Variants in C1QTNF2 observed in about 807,000 individuals in gnomAD.
C1QTNF2 encodes the protein C1q and TNF related 2.
A neutral mutation model predicts 17.4 loss-of-function variants in C1QTNF2; 15 were observed. The ratio of observed to expected loss-of-function variants is 0.86; its 90% CI spans 0.58 to 1.33. C1QTNF2 has a LOEUF of 1.33. Ranked by LOEUF, C1QTNF2 falls within the 40% of genes most tolerant of loss-of-function variation. The pLI, the probability that C1QTNF2 is intolerant of heterozygous loss-of-function variation, is 0.00. For synonymous variants in C1QTNF2, 154 were observed against 163.3 expected, an observed-to-expected ratio of 0.94 and a Z score of 0.44; for missense variants, 381 against 392.3, an observed-to-expected ratio of 0.97 and a Z score of 0.24.
At chr5:160,365,563 C>G (rs1344150761) in intron 1 of C1QTNF2, among the ~76,000 whole-genome samples, 1 of 151,958 alleles carries the variant, frequency 6.6e-6, no homozygotes, top group Non-Finnish European at 1.5e-5. Context: ...GTGAGACCTC[C>G]CCCCACCTCA....
At chr5:160,361,455 T>C (rs1305835370) in intron 1 of C1QTNF2, among the ~76,000 whole-genome samples, 1 of 152,184 alleles carries the variant, frequency 6.6e-6, no homozygotes, top group Non-Finnish European at 1.5e-5. Context: ...GATTGGAAGA[T>C]GTAAATTATG....
intron 1 of C1QTNF2, among the ~76,000 whole-genome samples, chr5:160,359,688 G>A (rs529802514): frequency 7.2e-5 from 11 of 152,332 alleles, no homozygotes; most frequent in Non-Finnish European, 1.6e-4. Context: ...ATTAGACAAG[G>A]TGATGAGAGG....
chr5:160,356,811 T>C (rs1764059476), intron 1 of C1QTNF2, among the ~76,000 whole-genome samples: 1 of 152,202 alleles, frequency 6.6e-6, no homozygotes, highest in African/African-American at 2.4e-5. Context: ...CCCCTGGCTC[T>C]TGGAGCCTGT....
intron 1 of C1QTNF2, among the ~76,000 whole-genome samples, chr5:160,368,614 A>G (rs1764290575): frequency 6.6e-6 from 1 of 152,152 alleles, no homozygotes; most frequent in African/African-American, 2.4e-5. Context: ...AGTTCATCTC[A>G]CAGAGGTAAA....
chr5:160,364,132 A>C (rs1105787), intron 1 of C1QTNF2, among the ~76,000 whole-genome samples: 71,917 of 152,106 alleles, frequency 0.47, 17,091 homozygotes, highest in Middle Eastern at 0.56. Flanking sequence ...AAAATTATTA[A>C]TGAGACATTT....
chr5:160,358,523 G>A (rs1029905419), intron 1 of C1QTNF2, among the ~76,000 whole-genome samples: 1 of 148,982 alleles, frequency 6.7e-6, no homozygotes. Context: ...GCTGGAGTGC[G>A]TGGTGCAAGA....
intron 1 of C1QTNF2, among the ~76,000 whole-genome samples, chr5:160,360,725 T>C (rs539575499): frequency 6.6e-6 from 1 of 152,036 alleles, no homozygotes; most frequent in Non-Finnish European, 1.5e-5. Context: ...GCCTTCCTAC[T>C]AAAGGGATAA....
intron 2 of C1QTNF2, among the ~76,000 whole-genome samples, chr5:160,353,091 G>A (rs1365768678): frequency 2.0e-5 from 3 of 152,078 alleles, no homozygotes; most frequent in Admixed American, 6.5e-5. Flanking sequence ...GTTCTTGCGA[G>A]GATGACATTT....
chr5:160,349,725 C>A lies in C1QTNF2; in HGVS notation c.301G>T (p.Ala101Ser). ...GKPGPKGKAG[A>S]IGRAGPRGPK... ...CCACGGGGGCCAGCCCGCCCAATGG[C>A]CCCGGCTTTGCCCTTTGGTCCTGGC... Residue 101 changes from alanine (A) to serine (S), a missense_variant, in exon 3 of 3, where the codon GCC (alanine) becomes TCC (serine). By Grantham distance (99) the Ala-to-Ser change is moderately conservative (BLOSUM62 1). Coordinates refer to ENST00000652664, the MANE Select transcript of C1QTNF2 (RefSeq NM_031908.6). This position sits in a 1 kb window ranked among gnomAD's most constrained non-coding sequence, Gnocchi z 4.3. 6.4e-7 allele frequency: 1 copy of A among 1,561,552 alleles called. No individual in the cohort carries two copies. The highest frequency in any genetic ancestry group is 1.7e-4 in the Middle Eastern group (1 of 5,778).
intron 1 of C1QTNF2, among the ~76,000 whole-genome samples, chr5:160,364,117 C>A (rs1223239599): frequency 1.3e-5 from 2 of 152,198 alleles, no homozygotes; most frequent in Non-Finnish European, 2.9e-5. Context: ...CATGTAATCA[C>A]CATAAAAATT....
chr5:160,370,302 G>A (rs2113545477), intron 1 of C1QTNF2, among the ~76,000 whole-genome samples: 1 of 152,356 alleles, frequency 6.6e-6, no homozygotes, highest in Admixed American at 6.5e-5. Context: ...CTGGCACACA[G>A]TAAGGACTCA....
intron 2 of C1QTNF2, among the ~76,000 whole-genome samples, 171 bp downstream of exon 2, chr5:160,354,597 A>AAAAAATAT (rs769774870): frequency 1.1e-5 from 1 of 89,306 alleles, no homozygotes; most frequent in South Asian, 4.4e-4. Context: ...AAAAAAAAAA[A>AAAAAATAT]GTATATATAT....
At chr5:160,356,986 A>G (rs1325371065) in intron 1 of C1QTNF2, among the ~76,000 whole-genome samples, 1 of 152,072 alleles carries the variant, frequency 6.6e-6, no homozygotes, top group Non-Finnish European at 1.5e-5. Flanking sequence ...GCAGTGTGAC[A>G]ATCACAGGGC....
chr5:160,358,224 G>A (rs192541839), intron 1 of C1QTNF2, among the ~76,000 whole-genome samples: 101 of 152,286 alleles, frequency 6.6e-4, no homozygotes, highest in African/African-American at 1.6e-3. Context: ...AAATAAAGGC[G>A]GGGAGACTAG....
intron 2 of C1QTNF2, among the ~76,000 whole-genome samples, chr5:160,350,655 T>C (rs1763900689): frequency 6.6e-6 from 1 of 152,176 alleles, no homozygotes; most frequent in Non-Finnish European, 1.5e-5. Flanking sequence ...TGAGCTATGA[T>C]TGTGTCACTG....
chr5:160,353,673 G>T (rs62377485), intron 2 of C1QTNF2, among the ~76,000 whole-genome samples: 9,692 of 151,366 alleles, frequency 0.064, 381 homozygotes, highest in East Asian at 0.17. Flanking sequence ...TGCTATTTCA[G>T]AACTTCTAGC....
chr5:160,354,343 C>T (rs1159201743), intron 2 of C1QTNF2, among the ~76,000 whole-genome samples: 1 of 151,756 alleles, frequency 6.6e-6, no homozygotes, highest in Non-Finnish European at 1.5e-5. Context: ...TTTGGAAGGG[C>T]GAGGTAGATG....
rs532778610 is a variant in C1QTNF2, at chr5:160,355,965, G to A, written c.-9-945C>T. On this transcript the variant is annotated intron_variant, in intron 1 of 2. Coordinates refer to ENST00000652664, the MANE Select transcript of C1QTNF2 (RefSeq NM_031908.6). Reference sequence around the variant, plus strand: ...GCAGGGCTAAGGTTTGAACCAGGCTGTCCAGATCCAGAGCCTGTGCCCTCC... The same window carrying A: ...GCAGGGCTAAGGTTTGAACCAGGCTATCCAGATCCAGAGCCTGTGCCCTCC... Among the ~76,000 whole-genome samples the A allele has an allele frequency of 8.2e-4, 125 of 152,264 alleles. 1 individual carries two copies. The highest frequency in any genetic ancestry group is 2.6e-3 in the African/African-American group (110 of 41,546).
rs770978113 is a variant in C1QTNF2 at position 160,349,302 on chromosome 5, T to C, written c.724A>G (p.Lys242Glu). 3.7e-6 allele frequency: 6 copies of C among 1,613,838 alleles called. No homozygotes were observed. Among genetic ancestry groups the C allele is most frequent in the Middle Eastern group, 1.6e-4 (1 of 6,062 alleles). ...TGCAGCCAAACTTCGTCACCCTGCT[T>C]GAGAGCCAGGATGGTGGAGCCTGAG... Reference protein sequence around the residue: ...VASGSTILALKQGDEVWLQIF... With the variant: ...VASGSTILALEQGDEVWLQIF... Residue 242 changes from lysine (K) to glutamate (E), a missense_variant, in exon 3 of 3, where the codon AAG becomes GAG. Coordinates refer to ENST00000652664, the MANE Select transcript of C1QTNF2 (RefSeq NM_031908.6). This position sits in a 1 kb window ranked among gnomAD's most constrained non-coding sequence, Gnocchi z 4.3.
Sources: allele counts gnomAD v4.1 joint callset (sites outside exome capture counted in the v4.1 genomes callset), GRCh38; gene constraint gnomAD v4.1.1; non-coding constraint Gnocchi (gnomAD v3.1); transcripts MANE v1.5; gene names NCBI Gene and HGNC (gene_info 2026-07-23, HGNC 2026-07-21).